TENM3: variants seen among roughly 807,000 people sequenced by gnomAD.
TENM3 encodes the protein teneurin transmembrane protein 3.
In TENM3, 63 loss-of-function variants were observed where a neutral mutation model predicts 255.1. The ratio of observed to expected loss-of-function variants is 0.25; its 90% CI spans 0.20 to 0.30. TENM3 has a LOEUF of 0.30. TENM3 is among the 10% of genes least tolerant of loss of function. TENM3 has a pLI of 1.00. For missense variants in TENM3, 2,929 were observed against 3,461.1 expected (o/e 0.85, Z 3.86); for synonymous variants, 1,306 against 1,322.3 (o/e 0.99, Z 0.27).
At chr4:181,572,145 C>A in the TENM3 span, among the ~76,000 whole-genome samples, 11 of 152,036 alleles carry the variant, frequency 7.2e-5, no homozygotes, top group African/African-American at 2.4e-4. Context: ...TTAGAAACTT[C>A]TATCAGTTTT....
intron 3 of TENM3, among the ~76,000 whole-genome samples, chr4:182,455,648 G>A (rs755329980): frequency 3.0e-5 from 4 of 134,256 alleles, no homozygotes; most frequent in Non-Finnish European, 4.6e-5. Flanking sequence ...TGCAGCCTCC[G>A]CCTCCCGGGT....
chr4:181,895,874 C>T, the TENM3 span, among the ~76,000 whole-genome samples: 1 of 152,092 alleles, frequency 6.6e-6, no homozygotes, highest in Admixed American at 6.6e-5. Flanking sequence ...AACCTTTCCC[C>T]TCCACCATGC....
chr4:182,632,375 T>C (rs1253100283), intron 5 of TENM3, among the ~76,000 whole-genome samples: 1 of 152,234 alleles, frequency 6.6e-6, no homozygotes, highest in Admixed American at 6.5e-5. Flanking sequence ...TTGAAAACCA[T>C]GGCAACTGTC....
intron 3 of TENM3, among the ~76,000 whole-genome samples, chr4:182,361,530 C>T (rs547441154): frequency 4.9e-4 from 74 of 152,290 alleles, no homozygotes; most frequent in African/African-American, 1.3e-3. Flanking sequence ...GAGGCTTCTG[C>T]ATTCTTCACG....
At chr4:181,458,761 C>A in the TENM3 span, among the ~76,000 whole-genome samples, 5 of 151,874 alleles carry the variant, frequency 3.3e-5, no homozygotes, top group Non-Finnish European at 5.9e-5. Context: ...AGTATTATTT[C>A]ATCAAATCCA....
the TENM3 span, among the ~76,000 whole-genome samples, chr4:181,577,918 C>T: frequency 6.6e-6 from 1 of 152,084 alleles, no homozygotes; most frequent in Non-Finnish European, 1.5e-5. Context: ...TCTTTTTCTA[C>T]CCTCCACCCT....
intron 3 of TENM3, among the ~76,000 whole-genome samples, chr4:182,448,101 C>G (rs1370942998): frequency 6.6e-6 from 1 of 152,262 alleles, no homozygotes; most frequent in Non-Finnish European, 1.5e-5. Context: ...GCCACTTGCA[C>G]ACATGCCTTC....
intron 3 of TENM3, among the ~76,000 whole-genome samples, chr4:182,418,942 C>T (rs1001550894): frequency 2.0e-4 from 31 of 152,166 alleles, no homozygotes; most frequent in Non-Finnish European, 3.2e-4. Context: ...CTCAGATCTG[C>T]GGCACGTTCC....
the TENM3 span, among the ~76,000 whole-genome samples, chr4:182,069,782 T>C: frequency 5.3e-5 from 8 of 152,088 alleles, no homozygotes; most frequent in East Asian, 1.5e-3. Context: ...TGCTCAGAAA[T>C]CTTGACAGGG....
Position 182,681,997 on chromosome 4 carries a change from G to T in TENM3, c.2018G>T (p.Gly673Val), listed in dbSNP as rs1432415267. 1 of 1,613,852 alleles carries T rather than the reference G, an allele frequency of 6.2e-7. No homozygotes were observed. The highest frequency in any genetic ancestry group is 8.5e-7 in the Non-Finnish European group (1 of 1,179,864). Residue 673 changes from glycine (G) to valine (V), a missense_variant, in exon 11 of 28, where the codon GGC becomes GTC. Physicochemically the swap from Gly to Val is moderately radical, Grantham distance 109. Transcript: ENST00000511685. ...TGCACGTGTGACCCTAACTGGACTG[G>T]CCCAGACTGCTCAAACGGTGAGGTT... ...GSCTCDPNWTGPDCSNEICSV... is the reference protein window; with the variant it reads ...GSCTCDPNWTVPDCSNEICSV...
At chr4:182,771,179 CAA>C in intron 22 of TENM3, among the ~76,000 whole-genome samples, 1 of 152,268 alleles carries the variant, frequency 6.6e-6, no homozygotes, top group Non-Finnish European at 1.5e-5. Flanking sequence ...AATGAAAGAG[CAA>C]AGTCAGAGGT....
chr4:181,566,355 C>G, the TENM3 span, among the ~76,000 whole-genome samples: 1 of 152,144 alleles, frequency 6.6e-6, no homozygotes, highest in Non-Finnish European at 1.5e-5. Context: ...GGAACTAGAC[C>G]TTTGCCAATG....
the TENM3 span, among the ~76,000 whole-genome samples, chr4:181,747,259 A>T: frequency 6.6e-6 from 1 of 152,154 alleles, no homozygotes; most frequent in African/African-American, 2.4e-5. Flanking sequence ...TTGACTAAAA[A>T]TGAATATGTT....
At chr4:182,091,254 C>T in the TENM3 span, among the ~76,000 whole-genome samples, 1 of 152,174 alleles carries the variant, frequency 6.6e-6, no homozygotes, top group Non-Finnish European at 1.5e-5. Flanking sequence ...ATAACTAGAG[C>T]TTGCAGAACA....
chr4:182,630,838 T>C (rs1751304142), intron 5 of TENM3, among the ~76,000 whole-genome samples: 1 of 152,088 alleles, frequency 6.6e-6, no homozygotes, highest in Non-Finnish European at 1.5e-5. Flanking sequence ...CAGTGTCAGG[T>C]TGACTGGTCA....
chr4:181,726,199 C>T, the TENM3 span, among the ~76,000 whole-genome samples: 2 of 151,972 alleles, frequency 1.3e-5, no homozygotes, highest in South Asian at 2.1e-4. Context: ...TAAATTTATT[C>T]ATTCAAAAAT....
In TENM3 at chr4:182,247,192, T is replaced by A. The variant is rs1757708637; in HGVS notation, c.-76+3716T>A. ...GGCAATGTGTTTCTCTGTGTGCTGATCAGTCCTGAGGTGCTGCAGCAAGAA... is the reference window on the plus strand; with the variant it reads ...GGCAATGTGTTTCTCTGTGTGCTGAACAGTCCTGAGGTGCTGCAGCAAGAA... On this transcript the variant is annotated intron_variant, in intron 1 of 27. Transcript: ENST00000511685. Among the ~76,000 whole-genome samples, 4 of 152,194 alleles carry A rather than the reference T, an allele frequency of 2.6e-5. No individual in the cohort carries two copies. The South Asian group carries it at 8.3e-4, about 31-fold the overall frequency.
the TENM3 span, among the ~76,000 whole-genome samples, chr4:182,009,928 C>T: frequency 1.1e-5 from 1 of 90,654 alleles, no homozygotes; most frequent in East Asian, 2.2e-4. Flanking sequence ...CTCACCGCCT[C>T]CCTTGGCTGG....
chr4:181,653,398 G>GT, the TENM3 span, among the ~76,000 whole-genome samples: 1 of 137,784 alleles, frequency 7.3e-6, no homozygotes, highest in Non-Finnish European at 1.6e-5. Context: ...GTTTTGTTTT[G>GT]TTTGTTTGTT....
Sources: gnomAD v4.1 joint callset for allele counts (sites outside exome capture counted in the v4.1 genomes callset) on GRCh38, gnomAD v4.1.1 for gene constraint, MANE v1.5 for transcripts, NCBI Gene and HGNC (gene_info 2026-07-23, HGNC 2026-07-21) for gene names.